Variants in SCRG1 observed in about 807,000 individuals in gnomAD.
The protein encoded by SCRG1 is stimulator of chondrogenesis 1.
In SCRG1, 3 loss-of-function variants were observed where a neutral mutation model predicts 7.7. The observed-to-expected ratio is 0.39, with a 90% CI of 0.18 to 1.01. SCRG1 has a LOEUF of 1.01. Among genes scored for constraint, SCRG1 ranks in the 50% least tolerant of loss-of-function variants. The pLI is 0.36. For missense variants in SCRG1, 110 were observed against 117.2 expected, an observed-to-expected ratio of 0.94 and a Z score of 0.28; for synonymous variants, 46 against 41.2, an observed-to-expected ratio of 1.12 and a Z score of -0.44.
chr4:173,475,104 A>T, the SCRG1 span, among the ~76,000 whole-genome samples: 2 of 152,048 alleles, frequency 1.3e-5, no homozygotes, highest in Non-Finnish European at 2.9e-5. Context: ...AAACTATATC[A>T]TCTTCTGCTT....
chr4:173,476,871 C>T, the SCRG1 span, among the ~76,000 whole-genome samples: 20 of 152,134 alleles, frequency 1.3e-4, no homozygotes, highest in Admixed American at 4.6e-4. Flanking sequence ...TATTACATTC[C>T]TTTCAGCTCT....
the SCRG1 span, among the ~76,000 whole-genome samples, chr4:173,470,219 T>C: frequency 1.3e-5 from 2 of 151,534 alleles, no homozygotes; most frequent in Non-Finnish European, 2.9e-5. Context: ...TCTCAATATG[T>C]GTTTACCAGA....
chr4:173,426,138 A>G, the SCRG1 span, among the ~76,000 whole-genome samples: 1 of 152,208 alleles, frequency 6.6e-6, no homozygotes, highest in Admixed American at 6.5e-5. Flanking sequence ...TACTTATAAT[A>G]CAAATCATTT....
intron 1 of SCRG1, among the ~76,000 whole-genome samples, chr4:173,396,712 T>G (rs1417656884): frequency 2.8e-5 from 3 of 107,078 alleles, no homozygotes; most frequent in East Asian, 2.8e-4. Context: ...ACTGGTAGTT[T>G]TGTGTGTGTG....
At chr4:173,500,510 AG>A in the SCRG1 span, among the ~76,000 whole-genome samples, 150,262 of 152,208 alleles carry the variant, frequency 0.99, 74,196 homozygotes, top group East Asian at 1. Flanking sequence ...GACGGTCTCA[AG>A]GCGCGTTGCT....
At chr4:173,454,095 A>G in the SCRG1 span, among the ~76,000 whole-genome samples, 1 of 138,566 alleles carries the variant, frequency 7.2e-6, no homozygotes. Flanking sequence ...AAAAAAAAAG[A>G]ACTGACCACT....
chr4:173,509,704 G>A, the SCRG1 span, among the ~76,000 whole-genome samples: 1 of 152,024 alleles, frequency 6.6e-6, no homozygotes, highest in East Asian at 1.9e-4. This position sits in a 1 kb window ranked among gnomAD's most constrained non-coding sequence, Gnocchi z 5.7. Context: ...GTCGGGCGGT[G>A]TCCGCGCCCC....
the SCRG1 span, among the ~76,000 whole-genome samples, chr4:173,474,967 G>A: frequency 6.7e-6 from 1 of 150,316 alleles, no homozygotes; most frequent in African/African-American, 2.5e-5. Context: ...ACCCCCTCAT[G>A]TCTCCTCCAT....
At chr4:173,434,441 G>T in the SCRG1 span, among the ~76,000 whole-genome samples, 1 of 152,172 alleles carries the variant, frequency 6.6e-6, no homozygotes, top group African/African-American at 2.4e-5. Context: ...GAAGGAGATC[G>T]TGTGACTTGG....
chr4:173,440,128 G>T, the SCRG1 span, among the ~76,000 whole-genome samples: 1 of 152,142 alleles, frequency 6.6e-6, no homozygotes, highest in Non-Finnish European at 1.5e-5. Flanking sequence ...AGCGCTACAG[G>T]TTTCTTTTTG....
the SCRG1 span, among the ~76,000 whole-genome samples, chr4:173,433,085 C>G: frequency 6.6e-6 from 1 of 152,190 alleles, no homozygotes; most frequent in Non-Finnish European, 1.5e-5. Flanking sequence ...TTGATTTCAC[C>G]TATATACATA....
At chr4:173,426,493 G>T in the SCRG1 span, among the ~76,000 whole-genome samples, 1 of 152,164 alleles carries the variant, frequency 6.6e-6, no homozygotes, top group Admixed American at 6.5e-5. Context: ...TTGAGACAGG[G>T]TCTTTCTCTG....
chr4:173,502,521 C>T, the SCRG1 span, among the ~76,000 whole-genome samples: 3 of 152,190 alleles, frequency 2.0e-5, no homozygotes, highest in African/African-American at 7.2e-5. This position sits in a 1 kb window ranked among gnomAD's most constrained non-coding sequence, Gnocchi z 4.6. Context: ...TGCCTGGCTC[C>T]TTTCCTTTCT....
intron 1 of SCRG1, among the ~76,000 whole-genome samples, chr4:173,397,070 T>C (rs1401651673): frequency 6.6e-6 from 1 of 152,086 alleles, no homozygotes; most frequent in African/African-American, 2.4e-5. Flanking sequence ...TGAAATAAAA[T>C]AAAACAAAAT....
At chr4:173,391,135 A>C (rs1223212121) in intron 2 of SCRG1, 38 bp downstream of exon 2, 15 of 1,606,216 alleles carry the variant, frequency 9.3e-6, no homozygotes, top group Non-Finnish European at 1.3e-5. Flanking sequence ...TTCTGCATAC[A>C]TTTCCAGGCA....
the SCRG1 span, among the ~76,000 whole-genome samples, chr4:173,439,181 G>A: frequency 2.0e-5 from 3 of 152,100 alleles, no homozygotes; most frequent in Non-Finnish European, 4.4e-5. Context: ...AAACATTACT[G>A]CTTGAAAGAA....
the SCRG1 span, among the ~76,000 whole-genome samples, chr4:173,431,077 T>C: frequency 6.6e-6 from 1 of 152,188 alleles, no homozygotes. Flanking sequence ...CATGATGCAG[T>C]ACCACCATGT....
At chr4:173,448,656 T>A in the SCRG1 span, among the ~76,000 whole-genome samples, 8 of 152,238 alleles carry the variant, frequency 5.3e-5, no homozygotes, top group East Asian at 1.2e-3. Flanking sequence ...CAGAGAGGAA[T>A]GATGATGTCA....
chr4:173,515,047 G>A, the SCRG1 span, among the ~76,000 whole-genome samples: 1 of 152,184 alleles, frequency 6.6e-6, no homozygotes, highest in South Asian at 2.1e-4. The surrounding 1 kb of genome is among the most constrained non-coding windows in gnomAD (Gnocchi z 4.6). Flanking sequence ...GAAGCTGATA[G>A]GCATTTCACA....
Sources: allele counts gnomAD v4.1 joint callset (sites outside exome capture counted in the v4.1 genomes callset), GRCh38; gene constraint gnomAD v4.1.1; non-coding constraint Gnocchi (gnomAD v3.1); transcripts MANE v1.5; gene names NCBI Gene and HGNC (gene_info 2026-07-23, HGNC 2026-07-21).